Variants in PARK7 observed in about 807,000 individuals in gnomAD.
PARK7 encodes Parkinson disease protein 7.
In PARK7, 14 loss-of-function variants were observed where a neutral mutation model predicts 20.5. The observed-to-expected ratio is 0.68, with a 90% CI of 0.45 to 1.07. The LOEUF is 1.07. PARK7 is among the 50% of genes least tolerant of loss of function. PARK7 has a pLI of 0.00. For synonymous variants in PARK7, 98 were observed against 84.3 expected (o/e 1.16, Z -0.89); for missense variants, 234 against 238.1 (o/e 0.98, Z 0.11).
At position 7,969,421 on chromosome 1, in the gene PARK7, A is replaced by G. The variant is rs748584282; in HGVS notation, c.252+17A>G. 1.5e-6 allele frequency: 2 copies of G among 1,295,780 alleles called. No individual in the cohort carries two copies. Among genetic ancestry groups the G allele is most frequent in the Non-Finnish European group, 2.2e-6 (2 of 921,528 alleles). 80.3% of individuals were successfully genotyped at this position (1,295,780 alleles called of 1,614,324 possible). ...TTATCTGAGGTAAAAAATTCTACTC[A>G]ATTATACCTCAATAAAGCTGGGGGG... is the stretch of plus-strand genomic sequence containing the variant. On this transcript the variant is annotated intron_variant, in intron 4 of 6. Coordinates refer to ENST00000338639, the MANE Select transcript of PARK7 (RefSeq NM_007262.5).
At chr1:7,978,307 A>C (rs1183207392) in intron 6 of PARK7, among the ~76,000 whole-genome samples, 1 of 148,104 alleles carries the variant, frequency 6.8e-6, no homozygotes, top group East Asian at 2.0e-4. Context: ...CGAACTCTTG[A>C]CCTTGTGATC....
chr1:7,975,344 G>A (rs1055724464), intron 5 of PARK7, among the ~76,000 whole-genome samples: 7 of 152,204 alleles, frequency 4.6e-5, no homozygotes, highest in Non-Finnish European at 8.8e-5. Context: ...GTGGACAGTT[G>A]TCAGCTGAGA....
chr1:7,969,018 C>G (rs975597128), intron 3 of PARK7: 3 of 233,506 alleles, frequency 1.3e-5, no homozygotes, highest in African/African-American at 6.8e-5. Flanking sequence ...GGGTGGGGTG[C>G]TTGTGGTGAT....
At chr1:7,970,448 T>C (rs1303637393) in intron 4 of PARK7, among the ~76,000 whole-genome samples, 1 of 152,110 alleles carries the variant, frequency 6.6e-6, no homozygotes, top group Non-Finnish European at 1.5e-5. Flanking sequence ...TTAAGTCGTA[T>C]GTGAGGAGTC....
At chr1:7,977,386 G>A (rs1270209910) in intron 5 of PARK7, among the ~76,000 whole-genome samples, 1 of 152,238 alleles carries the variant, frequency 6.6e-6, no homozygotes, top group African/African-American at 2.4e-5. Context: ...ACTAGGAAGT[G>A]TTTCATTTCA....
intron 3 of PARK7, among the ~76,000 whole-genome samples, chr1:7,968,848 G>T (rs1256556744): frequency 1.3e-5 from 2 of 152,120 alleles, no homozygotes; most frequent in Non-Finnish European, 2.9e-5. Flanking sequence ...AGTTGTTCAT[G>T]TACATTCTTG....
intron 6 of PARK7, among the ~76,000 whole-genome samples, chr1:7,983,880 C>T (rs1223377284): frequency 6.6e-6 from 1 of 152,186 alleles, no homozygotes; most frequent in Non-Finnish European, 1.5e-5. Flanking sequence ...TATCATTGGC[C>T]AGACAGGGAC....
At chr1:7,968,930 C>T (rs1640390810) in intron 3 of PARK7, among the ~76,000 whole-genome samples, 1 of 152,228 alleles carries the variant, frequency 6.6e-6, no homozygotes, top group African/African-American at 2.4e-5. Flanking sequence ...CATTCTCCCT[C>T]TGCCCCATCC....
chr1:7,963,098 C>T (rs763601043), intron 2 of PARK7, among the ~76,000 whole-genome samples: 1 of 152,068 alleles, frequency 6.6e-6, no homozygotes, highest in East Asian at 1.9e-4. Flanking sequence ...GTTTTGAGCT[C>T]TGTCGTCCAG....
In PARK7 at chr1:7,962,768, TA is replaced by T. The variant is rs1640236069; in HGVS notation, c.-15del. ...TTTTTTTTTTTTTTTTTAAGGCTTG[TA>T]AACATATAACATAAAAATGGCTTCC... On this transcript the variant is annotated 5_prime_UTR_variant, in exon 2 of 7. Transcript: ENST00000338639. 1 of 1,543,838 alleles carries T rather than the reference TA, an allele frequency of 6.5e-7. No individual in the cohort carries two copies. Among genetic ancestry groups the T allele is most frequent in the African/African-American group, 1.4e-5 (1 of 72,444 alleles).
intron 1 of PARK7, 52 bp from the exon 2 acceptor site, chr1:7,962,711 T>G: frequency 8.0e-7 from 1 of 1,246,034 alleles, no homozygotes; most frequent in South Asian, 1.3e-5. Context: ...TTGGGGTATC[T>G]CAGGGTTGCA....
Position 7,965,414 on chromosome 1 carries a change from G to T in PARK7, c.181G>T (p.Ala61Ser). 1 of 1,613,926 alleles carries T rather than the reference G, an allele frequency of 6.2e-7. No individual in the cohort carries two copies. Among genetic ancestry groups the T allele is most frequent in the Non-Finnish European group, 8.5e-7 (1 of 1,179,890 alleles). ...TTGTCCTGATGCCAGCCTTGAAGAT[G>T]CAAAAAAAGAGGTTTGTAATCCATA... ...VICPDASLED[A>S]KKEGPYDVVV... is the part of the protein sequence containing the mutation. Residue 61 changes from alanine to serine, a missense_variant, in exon 3 of 7, where the codon GCA becomes TCA. By Grantham distance (99) the Ala-to-Ser change is moderately conservative (BLOSUM62 1). Coordinates refer to ENST00000338639, the MANE Select transcript of PARK7 (RefSeq NM_007262.5).
intron 4 of PARK7, among the ~76,000 whole-genome samples, chr1:7,970,319 G>C (rs1640438194): frequency 6.6e-6 from 1 of 152,212 alleles, no homozygotes; most frequent in Non-Finnish European, 1.5e-5. Flanking sequence ...AGAATGATCA[G>C]ATTTTGTGTT....
intron 3 of PARK7, among the ~76,000 whole-genome samples, chr1:7,968,782 G>T (rs1640386807): frequency 6.6e-6 from 1 of 152,164 alleles, no homozygotes; most frequent in Admixed American, 6.5e-5. Context: ...CTCCCAAAGT[G>T]CTGGGATTAC....
At chr1:7,962,663 T>C in intron 1 of PARK7, 100 bp from the exon 2 acceptor site, 1 of 721,006 alleles carries the variant, frequency 1.4e-6, no homozygotes, top group South Asian at 1.7e-5. Context: ...CCCTAGGAAG[T>C]ACTTACTCTG....
At chr1:7,974,389 G>A (rs1383466057) in intron 5 of PARK7, among the ~76,000 whole-genome samples, 1 of 152,040 alleles carries the variant, frequency 6.6e-6, no homozygotes. Flanking sequence ...CAGCACTTTG[G>A]GAGGCCGAGG....
rs147840176 is a variant in PARK7, at chr1:7,981,910, G to A, written c.410-2984G>A. Among the ~76,000 whole-genome samples, 108 of 150,432 alleles carry A rather than the reference G, an allele frequency of 7.2e-4. No homozygotes were observed. The East Asian group carries it at 0.018, about 25-fold the overall frequency. ...CCTGACCTTGTGATCTGCCCTCCTC[G>A]GCTTCCCCATGTGCTGGGATTACAG... On this transcript the variant is annotated intron_variant, in intron 6 of 6. Coordinates refer to ENST00000338639, the MANE Select transcript of PARK7 (RefSeq NM_007262.5).
Position 7,985,092 on chromosome 1 carries a change from G to A in PARK7, c.*38G>A, listed in dbSNP as rs375081848. The A allele has an allele frequency of 4.0e-4, 639 of 1,604,066 alleles. 1 individual carries two copies. The highest frequency in any genetic ancestry group is 1.6e-3 in the South Asian group (146 of 90,078). ...CGACGATCACTTAGAGAAACAGGCC[G>A]TTAGGAATCCATTCTCACTGTGTTC... On this transcript the variant is annotated 3_prime_UTR_variant, in exon 7 of 7. Coordinates refer to ENST00000338639, the MANE Select transcript of PARK7 (RefSeq NM_007262.5).
At chr1:7,977,985 CTTTTTTTTT>C (rs34231723) in intron 6 of PARK7, among the ~76,000 whole-genome samples, 38 of 53,572 alleles carry the variant, frequency 7.1e-4, no homozygotes, top group African/African-American at 1.7e-3. Flanking sequence ...GTCTCAAACT[CTTTTTTTTT>C]TTTTTTTTTT....
Sources: gnomAD v4.1 joint callset for allele counts (sites outside exome capture counted in the v4.1 genomes callset) on GRCh38, gnomAD v4.1.1 for gene constraint, MANE v1.5 for transcripts, NCBI Gene and HGNC (gene_info 2026-07-23, HGNC 2026-07-21) for gene names.